MYLK: variants seen among roughly 807,000 people sequenced by gnomAD.
MYLK encodes the protein myosin light chain kinase.
In MYLK, 106 loss-of-function variants were observed where a neutral mutation model predicts 203.4. That is an observed-to-expected ratio of 0.52 (90% CI 0.45 to 0.61). The LOEUF (loss-of-function observed/expected upper bound fraction) is 0.61, where lower values mean the gene tolerates loss of function less well. Among genes scored for constraint, MYLK ranks in the 20% least tolerant of loss-of-function variants. The probability of loss-of-function intolerance (pLI) is 0.00; values close to 1 mark genes in which losing one functional copy is unlikely to be tolerated. For missense variants in MYLK, 2,072 were observed against 2,442.3 expected (o/e 0.85, Z 3.20); for synonymous variants, 867 against 959.5 (o/e 0.90, Z 1.78).
chr3:123,786,287 G>C (rs2064521072), intron 4 of MYLK, among the ~76,000 whole-genome samples: 1 of 150,446 alleles, frequency 6.6e-6, no homozygotes, highest in Non-Finnish European at 1.5e-5. Context: ...TGGGGCAACA[G>C]AGTAAGACTC....
intron 12 of MYLK, among the ~76,000 whole-genome samples, chr3:123,724,699 G>A (rs2062216075): frequency 6.6e-6 from 1 of 152,078 alleles, no homozygotes; most frequent in East Asian, 1.9e-4. Flanking sequence ...ACTATTTGGT[G>A]CATAAGTGTT....
At chr3:123,681,435 G>A (rs2060260907) in intron 20 of MYLK, 1 of 152,484 alleles carries the variant, frequency 6.6e-6, no homozygotes, top group East Asian at 1.9e-4. Flanking sequence ...CAATGGAGGA[G>A]GGAGGATGAG....
chr3:123,817,093 G>A (rs1186617056), intron 3 of MYLK, among the ~76,000 whole-genome samples: 1 of 152,192 alleles, frequency 6.6e-6, no homozygotes, highest in Non-Finnish European at 1.5e-5. Flanking sequence ...CTTTCTGGAA[G>A]GATGTTCAGA....
At chr3:123,721,238 C>T (rs569280615) in intron 13 of MYLK, among the ~76,000 whole-genome samples, 77 of 151,194 alleles carry the variant, frequency 5.1e-4, no homozygotes, top group African/African-American at 1.8e-3. Flanking sequence ...GCCTGAGCCC[C>T]GGGGAATGGA....
intron 23 of MYLK, among the ~76,000 whole-genome samples, chr3:123,663,670 C>T (rs1351150758): frequency 1.3e-5 from 2 of 152,068 alleles, no homozygotes; most frequent in Non-Finnish European, 2.9e-5. Flanking sequence ...AGGGAGCAGC[C>T]TTTGGTGGGA....
chr3:123,655,961 G>A (rs1043416280), intron 24 of MYLK, among the ~76,000 whole-genome samples: 1 of 152,196 alleles, frequency 6.6e-6, no homozygotes, highest in Admixed American at 6.5e-5. Flanking sequence ...GCCAGGAACT[G>A]TAAGTCATCT....
chr3:123,851,681 C>A (rs955134117), intron 2 of MYLK, among the ~76,000 whole-genome samples: 1 of 152,148 alleles, frequency 6.6e-6, no homozygotes. Context: ...ACAATCATGT[C>A]ATCTGCAAAC....
In MYLK at chr3:123,692,695, C is replaced by T; in HGVS notation, c.3565+40G>A. 3.4e-6 allele frequency: 5 copies of T among 1,478,876 alleles called. No individual in the cohort carries two copies. The South Asian group carries it at 5.6e-5, about 17-fold the overall frequency. The allele number at this position is 1,478,876 out of a possible 1,614,324, so 91.6% of individuals were successfully genotyped here. A position where few individuals can be genotyped will look rare whatever the true frequency, so the allele number is the denominator to read the frequency against. On this transcript the variant is annotated intron_variant, in intron 19 of 33. Coordinates refer to ENST00000360304, the MANE Select transcript of MYLK (RefSeq NM_053025.4). ...GAAGGGAGGGGCTGAGAAATGGGAC[C>T]CCTGTGTATGGGTGGCGGCGATGGG...
chr3:123,660,380 T>C (rs2059525720), intron 23 of MYLK, among the ~76,000 whole-genome samples: 1 of 152,276 alleles, frequency 6.6e-6, no homozygotes, highest in African/African-American at 2.4e-5. Flanking sequence ...ACTTTGTTTT[T>C]CTCCTTTAAA....
chr3:123,739,512 G>T (rs2062791926), intron 6 of MYLK, among the ~76,000 whole-genome samples: 1 of 152,202 alleles, frequency 6.6e-6, no homozygotes, highest in African/African-American at 2.4e-5. Flanking sequence ...AAGAAGCCTG[G>T]GCTCCTGGAA....
At chr3:123,733,351 C>G (rs1404154920) in intron 10 of MYLK, among the ~76,000 whole-genome samples, 3 of 152,086 alleles carry the variant, frequency 2.0e-5, no homozygotes, top group Non-Finnish European at 4.4e-5. Context: ...CAAAGCCAGG[C>G]AAGGGGAAGA....
chr3:123,842,152 T>G (rs193030741), intron 2 of MYLK, among the ~76,000 whole-genome samples: 4 of 152,078 alleles, frequency 2.6e-5, no homozygotes, highest in Admixed American at 6.5e-5. Flanking sequence ...ATTCATAAGA[T>G]GAACCTAGAA....
chr3:123,811,249 G>T (rs2065550017), intron 3 of MYLK, among the ~76,000 whole-genome samples: 1 of 152,154 alleles, frequency 6.6e-6, no homozygotes, highest in Non-Finnish European at 1.5e-5. Context: ...GGGTGAGGGA[G>T]CCCTTCCACA....
At chr3:123,794,514 A>G (rs2064912871) in intron 3 of MYLK, among the ~76,000 whole-genome samples, 1 of 152,176 alleles carries the variant, frequency 6.6e-6, no homozygotes, top group Non-Finnish European at 1.5e-5. Context: ...ACCCAGGCTA[A>G]TGCCTCTGCT....
In MYLK at chr3:123,610,093, A is replaced by G. The variant is rs1278146884; in HGVS notation, c.*4012T>C. On this transcript the variant is annotated 3_prime_UTR_variant, in exon 34 of 34. Transcript: ENST00000360304. Reference sequence around the variant, plus strand: ...TATCCAATACAATTGATGAAACTATAGACCATACTCTCTAGACTTTCACAC... The same window carrying G: ...TATCCAATACAATTGATGAAACTATGGACCATACTCTCTAGACTTTCACAC... 5.3e-5 allele frequency: 8 copies of G among 152,266 alleles called. No homozygotes were observed. The highest frequency in any genetic ancestry group is 1.7e-4 in the African/African-American group (7 of 41,472). The allele number at this position is 152,266 out of a possible 1,614,324, so 9.4% of individuals were successfully genotyped here.
At chr3:123,707,125 C>G (rs558709812) in intron 16 of MYLK, among the ~76,000 whole-genome samples, 1 of 152,318 alleles carries the variant, frequency 6.6e-6, no homozygotes, top group South Asian at 2.1e-4. Context: ...CTCAAGCAGC[C>G]CCACGGAGAG....
intron 2 of MYLK, among the ~76,000 whole-genome samples, chr3:123,855,953 A>C (rs2031332780): frequency 1.3e-5 from 2 of 152,296 alleles, no homozygotes; most frequent in Non-Finnish European, 2.9e-5. Flanking sequence ...TTTTCCACTC[A>C]TTCGAGTGTA....
chr3:123,835,116 T>G (rs1253948402), intron 2 of MYLK, among the ~76,000 whole-genome samples: 1 of 152,248 alleles, frequency 6.6e-6, no homozygotes, highest in Non-Finnish European at 1.5e-5. Context: ...GAGCAGTGTT[T>G]CTCAAAGTGT....
intron 14 of MYLK, 166 bp downstream of exon 14, chr3:123,709,590 G>T: frequency 3.5e-6 from 3 of 846,478 alleles, no homozygotes; most frequent in Non-Finnish European, 5.8e-6. Flanking sequence ...CCCAGAGAAG[G>T]CAGAAAAGAG....
Sources: gnomAD v4.1 joint callset for allele counts (sites outside exome capture counted in the v4.1 genomes callset) on GRCh38, gnomAD v4.1.1 for gene constraint, MANE v1.5 for transcripts, NCBI Gene and HGNC (gene_info 2026-07-23, HGNC 2026-07-21) for gene names.